TMEM178A: variants seen among roughly 807,000 people sequenced by gnomAD.
TMEM178A encodes transmembrane protein 178A, also known as transmembrane protein 178.
Under a neutral mutation model 29.1 loss-of-function variants are expected in TMEM178A, and 12 were observed. That is an observed-to-expected ratio of 0.41 (90% CI 0.26 to 0.67). TMEM178A has a LOEUF of 0.67. Among genes scored for constraint, TMEM178A ranks in the 30% least tolerant of loss-of-function variants. TMEM178A has a pLI of 0.29. For missense variants in TMEM178A, 366 were observed against 419.1 expected (o/e 0.87, Z 1.11); for synonymous variants, 210 against 187.2 (o/e 1.12, Z -0.99).
chr2:39,735,647 G>A, the TMEM178A span, among the ~76,000 whole-genome samples: 1 of 152,190 alleles, frequency 6.6e-6, no homozygotes, highest in Non-Finnish European at 1.5e-5. Flanking sequence ...CATTATCAGA[G>A]TCCCAGCTGT....
chr2:39,680,327 A>C (rs1444142591), intron 1 of TMEM178A, among the ~76,000 whole-genome samples: 1 of 152,228 alleles, frequency 6.6e-6, no homozygotes, highest in Non-Finnish European at 1.5e-5. Context: ...GGTAAGCATT[A>C]GGACAGCCCA....
downstream of TMEM178A, among the ~76,000 whole-genome samples, chr2:39,719,108 A>G (rs2148123623): frequency 6.6e-6 from 1 of 152,322 alleles, no homozygotes; most frequent in South Asian, 2.1e-4. Flanking sequence ...GCACAGGCTC[A>G]TGAGTGTATT....
At chr2:39,694,504 C>T (rs1022142793) in intron 1 of TMEM178A, among the ~76,000 whole-genome samples, 30 of 152,166 alleles carry the variant, frequency 2.0e-4, no homozygotes, top group African/African-American at 7.0e-4. Context: ...CTTTCAGGCC[C>T]TTTCTATATC....
chr2:39,723,384 A>G, the TMEM178A span, among the ~76,000 whole-genome samples: 1 of 152,184 alleles, frequency 6.6e-6, no homozygotes, highest in South Asian at 2.1e-4. Flanking sequence ...GCCATTTGTT[A>G]GTTCTGGACT....
chr2:39,687,046 A>G (rs1053943603), intron 1 of TMEM178A, among the ~76,000 whole-genome samples: 11 of 148,922 alleles, frequency 7.4e-5, no homozygotes, highest in Admixed American at 6.7e-4. Context: ...AGGGTAGTAA[A>G]GTACCGGTCT....
At chr2:39,701,876 A>T (rs1281015419) in intron 1 of TMEM178A, among the ~76,000 whole-genome samples, 1 of 151,578 alleles carries the variant, frequency 6.6e-6, no homozygotes, top group Non-Finnish European at 1.5e-5. Flanking sequence ...CAGAATTTCT[A>T]TTTTTTTCTT....
At chr2:39,686,667 G>C (rs1326224145) in intron 1 of TMEM178A, among the ~76,000 whole-genome samples, 1 of 151,144 alleles carries the variant, frequency 6.6e-6, no homozygotes, top group Non-Finnish European at 1.5e-5. Context: ...GTAGCGTCTG[G>C]GGGCAGGATG....
At chr2:39,723,282 G>C in the TMEM178A span, among the ~76,000 whole-genome samples, 4 of 152,112 alleles carry the variant, frequency 2.6e-5, no homozygotes, top group Non-Finnish European at 5.9e-5. Flanking sequence ...TTATCATATT[G>C]CTTAAATCTG....
At chr2:39,725,381 A>C in the TMEM178A span, among the ~76,000 whole-genome samples, 1 of 152,198 alleles carries the variant, frequency 6.6e-6, no homozygotes, top group South Asian at 2.1e-4. Flanking sequence ...GAAAATGTCA[A>C]GCTTTTACCT....
intron 2 of TMEM178A, among the ~76,000 whole-genome samples, chr2:39,706,196 C>A (rs1396494567): frequency 2.6e-5 from 4 of 152,114 alleles, no homozygotes; most frequent in Admixed American, 6.5e-5. Context: ...AGCTGGATTT[C>A]TGGCTCAGTG....
chr2:39,676,096 C>G (rs768817623), intron 1 of TMEM178A, among the ~76,000 whole-genome samples: 2 of 152,196 alleles, frequency 1.3e-5, no homozygotes, highest in African/African-American at 2.4e-5. Context: ...AGCAGTATTT[C>G]TCATTAGATA....
chr2:39,693,011 G>T (rs550771607), intron 1 of TMEM178A, among the ~76,000 whole-genome samples: 1 of 152,336 alleles, frequency 6.6e-6, no homozygotes, highest in South Asian at 2.1e-4. Context: ...TTCATCAGGA[G>T]GATGAGGCAG....
intron 1 of TMEM178A, among the ~76,000 whole-genome samples, chr2:39,668,053 G>A (rs1670245987): frequency 6.6e-6 from 1 of 152,222 alleles, no homozygotes; most frequent in South Asian, 2.1e-4. Flanking sequence ...ATAGAGCAAT[G>A]CCTGAAACAG....
chr2:39,729,863 G>C, the TMEM178A span, among the ~76,000 whole-genome samples: 1 of 152,136 alleles, frequency 6.6e-6, no homozygotes, highest in African/African-American at 2.4e-5. Flanking sequence ...CTTCAGAGGG[G>C]CCCTACAGGA....
chr2:39,707,259 C>A, intron 3 of TMEM178A, 73 bp downstream of exon 3: 1 of 1,478,332 alleles, frequency 6.8e-7, no homozygotes, highest in Non-Finnish European at 9.0e-7. Context: ...GCTAGTGTCG[C>A]TTTGTTATCT....
the TMEM178A span, among the ~76,000 whole-genome samples, chr2:39,727,630 G>T: frequency 6.6e-6 from 1 of 151,850 alleles, no homozygotes; most frequent in Non-Finnish European, 1.5e-5. Context: ...GGTTCGTTAC[G>T]TAGGTATACA....
At chr2:39,709,940 T>C (rs1672230747) in intron 3 of TMEM178A, among the ~76,000 whole-genome samples, 1 of 152,162 alleles carries the variant, frequency 6.6e-6, no homozygotes, top group Admixed American at 6.5e-5. Context: ...GCCTACTGAG[T>C]GCTCCTTGGG....
In TMEM178A at chr2:39,691,737, GA is replaced by G. The variant is rs1458821899; in HGVS notation, c.401-12342del. ...GTAGCCAAATATTCACAATAGCCAA[GA>G]AGCAACCTAAAGGTCCATCTACAGA... On this transcript the variant is annotated intron_variant, in intron 1 of 3. Transcript: ENST00000281961. Among the ~76,000 whole-genome samples, 3 of 151,870 alleles carry G rather than the reference GA, an allele frequency of 2.0e-5. No homozygotes were observed. In the East Asian group the frequency reaches 5.8e-4, roughly 29 times the overall value.
intron 1 of TMEM178A, among the ~76,000 whole-genome samples, chr2:39,703,137 T>C (rs2110658): frequency 0.95 from 144,029 of 152,258 alleles, 68,167 homozygotes; most frequent in East Asian, 1. Flanking sequence ...TTTTTTTAAA[T>C]GGCTGGCAGT....
Sources: allele counts gnomAD v4.1 joint callset (sites outside exome capture counted in the v4.1 genomes callset), GRCh38; gene constraint gnomAD v4.1.1; transcripts MANE v1.5; gene names NCBI Gene and HGNC (gene_info 2026-07-23, HGNC 2026-07-21).